Variants in IPMK observed in about 807,000 individuals in gnomAD.
The protein encoded by IPMK is inositol polyphosphate multikinase.
In IPMK, 17 loss-of-function variants were observed where a neutral mutation model predicts 45.8. The observed-to-expected ratio is 0.37, with a 90% CI of 0.25 to 0.56. The LOEUF (loss-of-function observed/expected upper bound fraction) is 0.56, where lower values mean the gene tolerates loss of function less well. Among genes scored for constraint, IPMK ranks in the 20% least tolerant of loss-of-function variants. IPMK has a pLI of 0.79. For synonymous variants in IPMK, 180 were observed against 184.3 expected (o/e 0.98, Z 0.19); for missense variants, 399 against 498.0 (o/e 0.80, Z 1.89).
At chr10:58,244,031 G>A (rs1011303885) in intron 1 of IPMK, among the ~76,000 whole-genome samples, 9 of 151,776 alleles carry the variant, frequency 5.9e-5, no homozygotes, top group Non-Finnish European at 1.0e-4. Context: ...GCCCCGCCTG[G>A]GAAGTGAGGG....
chr10:58,197,795 G>A (rs979272093), intron 5 of IPMK, among the ~76,000 whole-genome samples: 2 of 152,182 alleles, frequency 1.3e-5, no homozygotes, highest in Non-Finnish European at 2.9e-5. Context: ...CACTTTCGGA[G>A]GCAGAGGCGG....
At chr10:58,203,546 G>A (rs905849592) in intron 4 of IPMK, among the ~76,000 whole-genome samples, 1 of 151,876 alleles carries the variant, frequency 6.6e-6, no homozygotes, top group Non-Finnish European at 1.5e-5. Flanking sequence ...AAACTCCTGA[G>A]CTCAAGCGAT....
Position 58,245,706 on chromosome 10 carries a change from G to A in IPMK, c.191-7892C>T, listed in dbSNP as rs565497507. ...ACCCACAGCCAATATCATACTGAATGGGCAAAAACTGGAAGCATTCCCTTT... is the reference window on the plus strand; with the variant it reads ...ACCCACAGCCAATATCATACTGAATAGGCAAAAACTGGAAGCATTCCCTTT... On this transcript the variant is annotated intron_variant, in intron 1 of 5. Coordinates refer to ENST00000373935, the MANE Select transcript of IPMK (RefSeq NM_152230.5). Among the ~76,000 whole-genome samples, 51 of 151,738 alleles carry A rather than the reference G, an allele frequency of 3.4e-4. 1 individual carries two copies. The East Asian group carries it at 9.9e-3, about 29-fold the overall frequency.
At chr10:58,212,083 T>A (rs1838174120) in intron 4 of IPMK, among the ~76,000 whole-genome samples, 1 of 152,028 alleles carries the variant, frequency 6.6e-6, no homozygotes, top group South Asian at 2.1e-4. Flanking sequence ...ATGTATAAGG[T>A]CCACTTCAGA....
intron 4 of IPMK, among the ~76,000 whole-genome samples, chr10:58,203,079 T>G (rs76071769): frequency 0.016 from 2,479 of 152,078 alleles, 68 homozygotes; most frequent in African/African-American, 0.055. Context: ...TAAAGAAGAT[T>G]TGAGATTCAT....
chr10:58,261,529 G>A (rs372250117), intron 1 of IPMK, among the ~76,000 whole-genome samples: 102 of 150,620 alleles, frequency 6.8e-4, no homozygotes, highest in Non-Finnish European at 1.1e-3. Flanking sequence ...CTACTACTGC[G>A]AAAAGGGAGA....
intron 4 of IPMK, among the ~76,000 whole-genome samples, chr10:58,200,982 C>T (rs181372210): frequency 1.4e-4 from 21 of 151,676 alleles, no homozygotes; most frequent in South Asian, 6.2e-4. Context: ...GTTTTTCCCA[C>T]GCAGAAATCA....
intron 1 of IPMK, among the ~76,000 whole-genome samples, chr10:58,258,431 T>C (rs1031345880): frequency 2.6e-5 from 4 of 152,214 alleles, no homozygotes; most frequent in Admixed American, 2.6e-4. Flanking sequence ...TACATTCTTT[T>C]AGTATATAAA....
intron 1 of IPMK, among the ~76,000 whole-genome samples, chr10:58,258,422 A>G (rs1173141292): frequency 6.6e-6 from 1 of 152,238 alleles, no homozygotes; most frequent in Non-Finnish European, 1.5e-5. Flanking sequence ...AACAGAATAT[A>G]CATTCTTTTA....
Position 58,233,652 on chromosome 10 carries a change from A to G in IPMK, c.276+4077T>C, listed in dbSNP as rs183848537. On this transcript the variant is annotated intron_variant, in intron 2 of 5. Transcript: ENST00000373935. ...ATTAAAAAAACTCAATAAACTAGATATTGATGGAATGTATCTCAAAATAAT... is the reference window on the plus strand; with the variant it reads ...ATTAAAAAAACTCAATAAACTAGATGTTGATGGAATGTATCTCAAAATAAT... 5.3e-5 allele frequency among the ~76,000 whole-genome samples: 8 copies of G among 152,314 alleles called. No individual in the cohort carries two copies. The East Asian group carries it at 9.6e-4, about 18-fold the overall frequency.
At chr10:58,227,188 C>T in intron 2 of IPMK, 49 bp from the exon 3 acceptor site, 1 of 1,228,644 alleles carries the variant, frequency 8.1e-7, no homozygotes, top group Non-Finnish European at 1.2e-6. Context: ...TGCTTTGTAA[C>T]TGCCCTGCAC....
chr10:58,211,090 A>G (rs1380899590), intron 4 of IPMK, among the ~76,000 whole-genome samples: 2 of 152,184 alleles, frequency 1.3e-5, no homozygotes, highest in Non-Finnish European at 2.9e-5. Flanking sequence ...TTGAGAGACT[A>G]GACTCTGGAG....
intron 4 of IPMK, among the ~76,000 whole-genome samples, chr10:58,205,342 A>T (rs569569640): frequency 6.6e-6 from 1 of 152,324 alleles, no homozygotes; most frequent in South Asian, 2.1e-4. Context: ...AATAATTAAA[A>T]ACAAAATGTC....
intron 2 of IPMK, among the ~76,000 whole-genome samples, chr10:58,235,741 C>T (rs2790221): frequency 0.34 from 51,409 of 151,856 alleles, 10,940 homozygotes; most frequent in African/African-American, 0.61. Flanking sequence ...AGCAAACCAA[C>T]ATGGCACATG....
intron 2 of IPMK, among the ~76,000 whole-genome samples, chr10:58,229,775 T>C (rs1426540995): frequency 2.6e-5 from 4 of 151,980 alleles, no homozygotes; most frequent in African/African-American, 9.7e-5. Flanking sequence ...CAGCTCCCAG[T>C]GTGATCGACG....
At position 58,191,979 on chromosome 10, in the gene IPMK, T is replaced by TA. The variant is rs1474487829; in HGVS notation, c.*4096dup. 1 of 152,046 alleles carries TA rather than the reference T, an allele frequency of 6.6e-6. No homozygotes were observed. Among genetic ancestry groups the TA allele is most frequent in the Non-Finnish European group, 1.5e-5 (1 of 67,916 alleles). 9.4% of individuals were successfully genotyped at this position (152,046 alleles called of 1,614,324 possible). A position where few individuals can be genotyped will look rare whatever the true frequency, so the allele number is the denominator to read the frequency against. ...AAATTATATTTAAGTGGACAGTAGGTAAAAAATTTAAACTTTGATGACAAA... is the reference window on the plus strand; with the variant it reads ...AAATTATATTTAAGTGGACAGTAGGTAAAAAAATTTAAACTTTGATGACAAA... On this transcript the variant is annotated 3_prime_UTR_variant, in exon 6 of 6. Coordinates refer to ENST00000373935, the MANE Select transcript of IPMK (RefSeq NM_152230.5).
intron 1 of IPMK, among the ~76,000 whole-genome samples, chr10:58,243,778 C>T (rs1286573002): frequency 1.3e-5 from 2 of 152,242 alleles, no homozygotes; most frequent in Non-Finnish European, 2.9e-5. Context: ...ACAGCCTCTG[C>T]CCACCCGCCA....
chr10:58,214,907 A>T (rs1031224062), intron 4 of IPMK, among the ~76,000 whole-genome samples: 3 of 152,178 alleles, frequency 2.0e-5, no homozygotes, highest in Non-Finnish European at 4.4e-5. Flanking sequence ...ATTGCTATTC[A>T]TGCTGTGACT....
intron 3 of IPMK, among the ~76,000 whole-genome samples, chr10:58,224,114 C>A (rs1323597920): frequency 6.6e-6 from 1 of 152,140 alleles, no homozygotes. Flanking sequence ...TAAGTAGAGA[C>A]CTTGGGTCCC....
Sources: gnomAD v4.1 joint callset for allele counts (sites outside exome capture counted in the v4.1 genomes callset) on GRCh38, gnomAD v4.1.1 for gene constraint, MANE v1.5 for transcripts, NCBI Gene and HGNC (gene_info 2026-07-23, HGNC 2026-07-21) for gene names.